The following NCK1 variants were observed in gnomAD, a reference collection of about 807,000 sequenced individuals.
NCK1 encodes NCK adaptor protein 1.
NCK1 carries 19 observed loss-of-function variants against 36.6 expected under a neutral mutation model. The observed-to-expected ratio is 0.52, with a 90% CI of 0.36 to 0.76. The LOEUF (loss-of-function observed/expected upper bound fraction) is 0.76. Ranked by LOEUF, NCK1 falls within the 30% of genes least tolerant of loss-of-function variation. The pLI is 0.00. For missense variants in NCK1, 358 were observed against 445.6 expected, an observed-to-expected ratio of 0.80 and a Z score of 1.77; for synonymous variants, 165 against 156.0, an observed-to-expected ratio of 1.06 and a Z score of -0.43.
At chr3:136,938,854 G>A (rs1940600744) in intron 2 of NCK1, among the ~76,000 whole-genome samples, 1 of 152,122 alleles carries the variant, frequency 6.6e-6, no homozygotes, top group African/African-American at 2.4e-5. Flanking sequence ...AGTATTTATG[G>A]TAACTTTATA....
At chr3:136,931,028 G>A (rs1940377335) in intron 2 of NCK1, among the ~76,000 whole-genome samples, 1 of 151,310 alleles carries the variant, frequency 6.6e-6, no homozygotes, top group African/African-American at 2.4e-5. Context: ...TAGCGGAACA[G>A]TGTAAAGATA....
chr3:136,906,204 T>C (rs780875184), intron 1 of NCK1, among the ~76,000 whole-genome samples: 9 of 152,264 alleles, frequency 5.9e-5, no homozygotes, highest in South Asian at 4.1e-4. Flanking sequence ...ATGCTGTCAG[T>C]GGTGTCTGTG....
chr3:136,883,741 A>G (rs539487502), intron 1 of NCK1, among the ~76,000 whole-genome samples: 2 of 152,262 alleles, frequency 1.3e-5, no homozygotes, highest in East Asian at 1.9e-4. Context: ...ATTTTAACCA[A>G]GGGCTCTTAT....
chr3:136,871,380 A>G (rs1210158849), intron 1 of NCK1, among the ~76,000 whole-genome samples: 2 of 152,172 alleles, frequency 1.3e-5, no homozygotes, highest in Non-Finnish European at 2.9e-5. Context: ...CTTGGGGGAC[A>G]GAGCGAGACG....
At position 136,949,015 on chromosome 3, in the gene NCK1, ACATT is replaced by A. The variant is rs1940903676; in HGVS notation, c.*567_*570del. 1 of 152,624 alleles carries A rather than the reference ACATT, an allele frequency of 6.6e-6. No homozygotes were observed. Among genetic ancestry groups the A allele is most frequent in the Admixed American group, 6.5e-5 (1 of 15,280 alleles). 9.5% of individuals were successfully genotyped at this position (152,624 alleles called of 1,614,324 possible). ...TGTGTCTGCCATAATTTTTAAAAAT[ACATT>A]CATTGTCTTCAGTCATACAGCAAGA... On this transcript the variant is annotated 3_prime_UTR_variant, in exon 4 of 4. Coordinates refer to ENST00000481752, the MANE Select transcript of NCK1 (RefSeq NM_001291999.2).
Position 136,928,123 on chromosome 3 carries a change from T to C in NCK1, c.122T>C (p.Val41Ala). Residue 41 changes from valine (V) to alanine (A), a missense_variant, in exon 2 of 4, where the codon GTT becomes GCT. By Grantham distance (64) the Val-to-Ala change is moderately conservative (BLOSUM62 0). Around this residue, in one of 3 missense-constraint regions of NCK1, gnomAD observed 143 missense variants for 162.4 expected, o/e 0.88. Coordinates refer to ENST00000481752, the MANE Select transcript of NCK1 (RefSeq NM_001291999.2). Reference sequence around the variant, plus strand: ...GATGATTCTAAGTCCTGGTGGCGAGTTCGAAATTCCATGAATAAAACAGGT... The same window carrying C: ...GATGATTCTAAGTCCTGGTGGCGAGCTCGAAATTCCATGAATAAAACAGGT... Reference protein sequence around the residue: ...LLDDSKSWWRVRNSMNKTGFV... With the variant: ...LLDDSKSWWRARNSMNKTGFV... The C allele has an allele frequency of 6.2e-7, 1 of 1,613,952 alleles. No homozygotes were observed. Among genetic ancestry groups the C allele is most frequent in the Non-Finnish European group, 8.5e-7 (1 of 1,179,990 alleles).
At chr3:136,892,223 T>C (rs1939265483) in intron 1 of NCK1, among the ~76,000 whole-genome samples, 1 of 152,202 alleles carries the variant, frequency 6.6e-6, no homozygotes, top group Non-Finnish European at 1.5e-5. Flanking sequence ...GTTTTTGACT[T>C]GTAAGAGTTC....
At chr3:136,922,924 C>T in intron 1 of NCK1, among the ~76,000 whole-genome samples, 1 of 152,090 alleles carries the variant, frequency 6.6e-6, no homozygotes, top group East Asian at 1.9e-4. Flanking sequence ...AACCCATTGA[C>T]CATCAGTAAG....
intron 2 of NCK1, among the ~76,000 whole-genome samples, chr3:136,941,445 A>G (rs1940674543): frequency 6.6e-6 from 1 of 151,802 alleles, no homozygotes; most frequent in Non-Finnish European, 1.5e-5. Flanking sequence ...TCTCTAATAT[A>G]TTGTTTTATT....
intron 1 of NCK1, among the ~76,000 whole-genome samples, chr3:136,895,620 AG>A (rs1425358913): frequency 1.3e-5 from 2 of 152,086 alleles, no homozygotes; most frequent in African/African-American, 4.8e-5. Context: ...GCTGGAGTGC[AG>A]TGGCACAATC....
chr3:136,900,192 C>A (rs1026012266), intron 1 of NCK1: 37 of 251,850 alleles, frequency 1.5e-4, no homozygotes, highest in Non-Finnish European at 2.0e-4. Context: ...TCATTGTTTC[C>A]TTTGCTGTGC....
chr3:136,928,370 A>G (rs998792596), intron 2 of NCK1, 143 bp downstream of exon 2: 3 of 707,796 alleles, frequency 4.2e-6, no homozygotes, highest in East Asian at 2.7e-5. Flanking sequence ...CAGGTGGTCA[A>G]CCCAGAAGAC....
chr3:136,949,622 C>A lies in NCK1; in HGVS notation c.*1169C>A, dbSNP rs1265338902. The A allele has an allele frequency of 6.6e-6, 1 of 151,782 alleles. No homozygotes were observed. The highest frequency in any genetic ancestry group is 1.5e-5 in the Non-Finnish European group (1 of 67,866). The allele number at this position is 151,782 out of a possible 1,614,324, so 9.4% of individuals were successfully genotyped here. Reference sequence around the variant, plus strand: ...TGTATTTTATGGTCATAATTTGTCCCCCTATTATTCTGGAGATTTAAATTT... The same window carrying A: ...TGTATTTTATGGTCATAATTTGTCCACCTATTATTCTGGAGATTTAAATTT... On this transcript the variant is annotated 3_prime_UTR_variant, in exon 4 of 4. Transcript: ENST00000481752.
intron 1 of NCK1, among the ~76,000 whole-genome samples, chr3:136,902,196 T>TG (rs1343838425): frequency 0.018 from 1,886 of 107,116 alleles, 24 homozygotes; most frequent in East Asian, 0.048. Context: ...TTTTTTTTTT[T>TG]TTTTTTGTTT....
At chr3:136,931,085 TGTA>T (rs1560051003) in intron 2 of NCK1, among the ~76,000 whole-genome samples, 2 of 152,136 alleles carry the variant, frequency 1.3e-5, no homozygotes, top group African/African-American at 2.4e-5. Flanking sequence ...ATTTAATTAA[TGTA>T]GTATTGCTAG....
At chr3:136,906,322 C>T (rs1044806344) in intron 1 of NCK1, among the ~76,000 whole-genome samples, 2 of 152,092 alleles carry the variant, frequency 1.3e-5, no homozygotes, top group Admixed American at 1.3e-4. Flanking sequence ...GTTGCCCAGG[C>T]TGGTCTCGAA....
intron 1 of NCK1, among the ~76,000 whole-genome samples, chr3:136,912,512 G>A (rs1326536091): frequency 6.9e-6 from 1 of 143,914 alleles, no homozygotes; most frequent in East Asian, 2.0e-4. Context: ...TTTTTATGTT[G>A]CCCTATCATC....
chr3:136,935,263 GA>G (rs1342919963), intron 2 of NCK1, among the ~76,000 whole-genome samples: 1 of 152,148 alleles, frequency 6.6e-6, no homozygotes, highest in African/African-American at 2.4e-5. Flanking sequence ...AGCTTCCAGA[GA>G]GAATCATTCT....
chr3:136,925,597 A>G (rs1940217044), intron 1 of NCK1, among the ~76,000 whole-genome samples: 1 of 152,230 alleles, frequency 6.6e-6, no homozygotes, highest in Non-Finnish European at 1.5e-5. Context: ...TGAGAGTGTT[A>G]TATAAATGGA....
Sources: allele counts gnomAD v4.1 joint callset (sites outside exome capture counted in the v4.1 genomes callset), GRCh38; gene constraint gnomAD v4.1.1; regional missense constraint gnomAD v4.1.1; transcripts MANE v1.5; gene names NCBI Gene and HGNC (gene_info 2026-07-23, HGNC 2026-07-21).